DZANK1: variants seen among roughly 807,000 people sequenced by gnomAD.
DZANK1 encodes double zinc ribbon and ankyrin repeat-containing protein 1.
In DZANK1, 91 loss-of-function variants were observed where a neutral mutation model predicts 94.5. The ratio of observed to expected loss-of-function variants is 0.96; its 90% CI spans 0.81 to 1.15. DZANK1 has a LOEUF of 1.15. Among genes scored for constraint, DZANK1 ranks in the 50% most tolerant of loss-of-function variants. The pLI is 0.00. For synonymous variants in DZANK1, 312 were observed against 325.3 expected (o/e 0.96, Z 0.44); for missense variants, 903 against 916.4 (o/e 0.99, Z 0.19).
intron 18 of DZANK1, among the ~76,000 whole-genome samples, chr20:18,390,076 C>G (rs914275082): frequency 1.3e-5 from 2 of 152,148 alleles, no homozygotes; most frequent in African/African-American, 4.8e-5. Context: ...ACCCTGACAA[C>G]CTTGCTTCTT....
At position 18,384,487 on chromosome 20, in the gene DZANK1, AG is replaced by A; in HGVS notation, c.2170del (p.Val725SerfsTer73). ...CTTGGCAGCAAAGAGTGAGGTGACA[AG>A]GTCATCTCCAGTGTTCAGAGCCAGG... On this transcript the variant is annotated frameshift_variant, in exon 21 of 21. Transcript: ENST00000262547. LOFTEE classifies it high-confidence loss of function. 6.2e-7 allele frequency: 1 copy of A among 1,612,226 alleles called. No homozygotes were observed. Among genetic ancestry groups the A allele is most frequent in the Non-Finnish European group, 8.5e-7 (1 of 1,179,200 alleles).
chr20:18,431,465 T>A (rs1054980788), intron 9 of DZANK1, among the ~76,000 whole-genome samples: 3 of 152,212 alleles, frequency 2.0e-5, no homozygotes, highest in African/African-American at 7.2e-5. Flanking sequence ...GCAGTTCACA[T>A]GAGTATTCCC....
chr20:18,427,091 C>T, exon 10 of DZANK1: 2 of 1,612,280 alleles, frequency 1.2e-6, no homozygotes, highest in Non-Finnish European at 1.7e-6. Flanking sequence ...GCAGGGCCCC[C>T]TCACAGGTGA....
chr20:18,409,984 G>A (rs2057162879), intron 13 of DZANK1, among the ~76,000 whole-genome samples: 1 of 147,276 alleles, frequency 6.8e-6, no homozygotes, highest in African/African-American at 2.5e-5. Context: ...AGTGAGTCGG[G>A]ATCACGCCAC....
intron 11 of DZANK1, 111 bp downstream of exon 11, chr20:18,415,216 T>C: frequency 1.0e-5 from 12 of 1,143,234 alleles, no homozygotes; most frequent in Non-Finnish European, 1.4e-5. Context: ...TAGGTACCAG[T>C]AGCGAAATCA....
Position 18,433,772 on chromosome 20 carries a change from A to C in DZANK1, c.748-7T>G. ...ATTCTGCACACAAGCCCATCTGCACAAGGAAAAGGTCTGGTTTATCTTGCA... is the reference window on the plus strand; with the variant it reads ...ATTCTGCACACAAGCCCATCTGCACCAGGAAAAGGTCTGGTTTATCTTGCA... On this transcript the variant is annotated splice_region_variant and splice_polypyrimidine_tract_variant and intron_variant, in intron 8 of 20. Coordinates refer to ENST00000262547, the Ensembl canonical transcript of DZANK1. 1.2e-6 allele frequency: 2 copies of C among 1,612,166 alleles called. No homozygotes were observed. The highest frequency in any genetic ancestry group is 1.7e-6 in the Non-Finnish European group (2 of 1,178,350).
rs1471026455 is a variant in DZANK1 at position 18,440,253 on chromosome 20, T to C, written c.747+3094A>G. On this transcript the variant is annotated intron_variant, in intron 8 of 20. Coordinates refer to ENST00000262547, the Ensembl canonical transcript of DZANK1. ...CTGTGGCAACCTTAGCAAACTGATA[T>C]ACCTGGGAAACTTCTGCTATCCCAA... 2.0e-5 allele frequency among the ~76,000 whole-genome samples: 3 copies of C among 152,146 alleles called. No individual in the cohort carries two copies. In the South Asian group the frequency reaches 6.2e-4, roughly 32 times the overall value.
chr20:18,446,758 T>A (rs1172331855), intron 7 of DZANK1, among the ~76,000 whole-genome samples: 1 of 152,202 alleles, frequency 6.6e-6, no homozygotes. Context: ...TTCTACCAAA[T>A]ATGTAAGGAA....
exon 8 of DZANK1, chr20:18,443,438 G>A (rs1213910699): frequency 2.0e-6 from 3 of 1,499,892 alleles, no homozygotes; most frequent in African/African-American, 2.9e-5. Context: ...GGGATCTGAT[G>A]GCCGGGGGGC....
chr20:18,422,939 C>G (rs1262949222), intron 10 of DZANK1, among the ~76,000 whole-genome samples: 1 of 151,222 alleles, frequency 6.6e-6, no homozygotes, highest in Non-Finnish European at 1.5e-5. Context: ...GTAGATCTCT[C>G]TTTAGGTATT....
chr20:18,432,623 A>T (rs919865848), intron 9 of DZANK1: 1 of 152,222 alleles, frequency 6.6e-6, no homozygotes, highest in Admixed American at 6.5e-5. Context: ...CTTTTCTCTG[A>T]ATACATTTTG....
rs1430529707 is a variant in DZANK1, at chr20:18,398,730, T to C, written c.1433-104A>G. The C allele has an allele frequency of 6.1e-6, 7 of 1,150,542 alleles. No individual in the cohort carries two copies. In the Admixed American group the frequency reaches 1.4e-4, roughly 23 times the overall value. 71.3% of individuals were successfully genotyped at this position (1,150,542 alleles called of 1,614,324 possible). ...TTCTTAGAGAGGTTAATTTCCTTTG[T>C]CAAACTTTGTGATGGACTTTCCTTA... is the stretch of plus-strand genomic sequence containing the variant. On this transcript the variant is annotated intron_variant, in intron 13 of 20. Coordinates refer to ENST00000262547, the Ensembl canonical transcript of DZANK1.
At chr20:18,389,712 C>A in exon 19 of DZANK1, 2 of 1,613,928 alleles carry the variant, frequency 1.2e-6, no homozygotes, top group Non-Finnish European at 1.7e-6. Flanking sequence ...GCCCCCACTG[C>A]TGGTCGATGT....
intron 2 of DZANK1, among the ~76,000 whole-genome samples, chr20:18,462,639 C>T (rs949555333): frequency 3.3e-5 from 5 of 152,084 alleles, no homozygotes; most frequent in African/African-American, 1.2e-4. Context: ...CACTTATACA[C>T]TATTGGCAGG....
intron 16 of DZANK1, 124 bp downstream of exon 16, chr20:18,394,130 G>A (rs764460835): frequency 1.5e-4 from 123 of 822,708 alleles, no homozygotes; most frequent in Non-Finnish European, 2.2e-4. Flanking sequence ...GAAATAAAAC[G>A]TCTGGAACAT....
chr20:18,413,048 A>G (rs766472581), intron 12 of DZANK1, 195 bp from the exon 13 acceptor site: 53 of 612,264 alleles, frequency 8.7e-5, no homozygotes, highest in Non-Finnish European at 1.4e-4. Flanking sequence ...CTGATCCAGG[A>G]TTAGCCATTT....
chr20:18,449,217 A>G, intron 6 of DZANK1, 148 bp from the exon 7 acceptor site: 1 of 676,682 alleles, frequency 1.5e-6, no homozygotes, highest in Non-Finnish European at 2.4e-6. Context: ...ATAGACTCTA[A>G]AAGTGGGAAG....
intron 11 of DZANK1, 115 bp from the exon 12 acceptor site, chr20:18,414,627 T>C (rs995156501): frequency 1.6e-6 from 2 of 1,241,606 alleles, no homozygotes; most frequent in Non-Finnish European, 2.2e-6. Context: ...CCATTCTACC[T>C]TCCAGAATTT....
Position 18,414,606 on chromosome 20 carries a change from C to G in DZANK1, c.1078-94G>C, listed in dbSNP as rs1428861881. ...ATACAAATTAACATATGCCCAGACT[C>G]TCTGACCCAGCCATTCTACCTTCCA... On this transcript the variant is annotated intron_variant, in intron 11 of 20. Coordinates refer to ENST00000262547, the Ensembl canonical transcript of DZANK1. 3.6e-6 allele frequency: 5 copies of G among 1,406,360 alleles called. No individual in the cohort carries two copies. The East Asian group carries it at 1.3e-4, about 35-fold the overall frequency. The allele number at this position is 1,406,360 out of a possible 1,614,324, so 87.1% of individuals were successfully genotyped here. A position where few individuals can be genotyped will look rare whatever the true frequency, so the allele number is the denominator to read the frequency against.
Sources: gnomAD v4.1 joint callset for allele counts (sites outside exome capture counted in the v4.1 genomes callset) on GRCh38, gnomAD v4.1.1 for gene constraint, MANE v1.5 for transcripts, NCBI Gene and HGNC (gene_info 2026-07-23, HGNC 2026-07-21) for gene names.